The following CDK8 variants were observed in gnomAD, a reference collection of about 807,000 sequenced individuals.
CDK8 encodes the protein cyclin dependent kinase 8.
CDK8 carries 29 observed loss-of-function variants against 71.5 expected under a neutral mutation model. The ratio of observed to expected loss-of-function variants is 0.41; its 90% confidence interval spans 0.30 to 0.55. The LOEUF (loss-of-function observed/expected upper bound fraction) is 0.55. Ranked by LOEUF, CDK8 falls within the 20% of genes least tolerant of loss-of-function variation. CDK8 has a pLI of 0.37. For synonymous variants in CDK8, 161 were observed against 192.1 expected (o/e 0.84, Z 1.34); for missense variants, 288 against 572.6 (o/e 0.50, Z 5.07).
intron 1 of CDK8, among the ~76,000 whole-genome samples, chr13:26,318,147 AG>A (rs1419204629): frequency 6.6e-6 from 1 of 152,136 alleles, no homozygotes; most frequent in Non-Finnish European, 1.5e-5. Flanking sequence ...TATTTATAAG[AG>A]TACTATGAAC....
At position 26,289,102 on chromosome 13, in the gene CDK8, C is replaced by G. The variant is rs181811428; in HGVS notation, c.128+34333C>G. ...AGACAGTCTTGCTCTGTGGCCAGGC[C>G]GGAATGCAGTGGTGTGATCTCGGCT... On this transcript the variant is annotated intron_variant, in intron 1 of 12. Coordinates refer to ENST00000381527, the MANE Select transcript of CDK8 (RefSeq NM_001260.3). 5.2e-3 allele frequency among the ~76,000 whole-genome samples: 663 copies of G among 127,920 alleles called. 3 individuals carry two copies. Among genetic ancestry groups the G allele is most frequent in the South Asian group, 0.012 (46 of 3,962 alleles). 83.9% of individuals were successfully genotyped at this position (127,920 alleles called of 152,430 possible).
intron 3 of CDK8, among the ~76,000 whole-genome samples, chr13:26,351,405 C>A (rs982241040): frequency 1.3e-5 from 2 of 151,932 alleles, no homozygotes; most frequent in African/African-American, 4.8e-5. Context: ...CTAATCAGAT[C>A]AACCCTGTTA....
chr13:26,263,030 A>AG (rs1411408048), intron 1 of CDK8, among the ~76,000 whole-genome samples: 1 of 152,232 alleles, frequency 6.6e-6, no homozygotes, highest in African/African-American at 2.4e-5. Context: ...TAGGTTGTTT[A>AG]GAGGACTAAA....
intron 1 of CDK8, among the ~76,000 whole-genome samples, chr13:26,303,989 G>T (rs1301500414): frequency 2.6e-5 from 4 of 151,974 alleles, no homozygotes; most frequent in African/African-American, 7.3e-5. Flanking sequence ...TATTGGCCAG[G>T]CTCGGTGGCT....
At chr13:26,367,385 ATT>A (rs35642800) in intron 4 of CDK8, among the ~76,000 whole-genome samples, 5 of 149,416 alleles carry the variant, frequency 3.3e-5, no homozygotes, top group Middle Eastern at 3.5e-3. Context: ...TCCTTGAATA[ATT>A]TTTTTTTTTT....
At chr13:26,339,868 G>A (rs1456577961) in intron 2 of CDK8, among the ~76,000 whole-genome samples, 1 of 150,220 alleles carries the variant, frequency 6.7e-6, no homozygotes. Flanking sequence ...TTTATGAATA[G>A]GGATACTTTT....
In CDK8 at chr13:26,271,806, C is replaced by CTTTT. The variant is rs58160694; in HGVS notation, c.128+17070_128+17073dup. 1.0e-3 allele frequency among the ~76,000 whole-genome samples: 65 copies of CTTTT among 62,664 alleles called. 16 individuals are homozygous for CTTTT. The highest frequency in any genetic ancestry group is 1.1e-3 in the African/African-American group (13 of 11,546). The allele number at this position is 62,664 out of a possible 152,430, so 41.1% of individuals were successfully genotyped here. A position where few individuals can be genotyped will look rare whatever the true frequency, so the allele number is the denominator to read the frequency against. ...CCTGGGGGACAGAGTGAGACCCTGT[C>CTTTT]TTTTTTTTTTTTTTTTTTTTTTTTT... is the stretch of plus-strand genomic sequence containing the variant. On this transcript the variant is annotated intron_variant, in intron 1 of 12. Coordinates refer to ENST00000381527, the MANE Select transcript of CDK8 (RefSeq NM_001260.3).
intron 1 of CDK8, among the ~76,000 whole-genome samples, chr13:26,329,483 G>GTTTTTTTTTTTTTTT (rs543441898): frequency 1.1e-4 from 14 of 128,478 alleles, no homozygotes; most frequent in Admixed American, 2.4e-4. Flanking sequence ...TTTTTTTTTT[G>GTTTTTTTTTTTTTTT]TTTTTTTTTT....
intron 1 of CDK8, among the ~76,000 whole-genome samples, chr13:26,316,972 G>C (rs1017256071): frequency 1.3e-5 from 2 of 151,722 alleles, no homozygotes; most frequent in African/African-American, 2.4e-5. Flanking sequence ...CAACAAAAAA[G>C]ATCTAGAAAC....
chr13:26,366,405 G>C (rs1489026183), intron 4 of CDK8, among the ~76,000 whole-genome samples: 1 of 151,982 alleles, frequency 6.6e-6, no homozygotes, highest in Non-Finnish European at 1.5e-5. Context: ...AATACAATGA[G>C]AAGTTTCCTC....
intron 7 of CDK8, among the ~76,000 whole-genome samples, chr13:26,395,305 C>G (rs1875932763): frequency 6.6e-6 from 1 of 151,958 alleles, no homozygotes; most frequent in Non-Finnish European, 1.5e-5. Context: ...ACAAAATTAG[C>G]TGGGCATGGT....
chr13:26,385,395 C>T, intron 6 of CDK8, 53 bp downstream of exon 6: 1 of 1,401,918 alleles, frequency 7.1e-7, no homozygotes, highest in Non-Finnish European at 9.8e-7. Context: ...CTTTAAAAGA[C>T]ACACATTCCT....
At position 26,349,087 on chromosome 13, in the gene CDK8, A is replaced by G. The variant is rs1292451469; in HGVS notation, c.220A>G (p.Lys74Glu). ...TGTTTTGCAGTTACTTCGAGAGCTTAAGCATCCAAACGTCATTTCTCTTCA... is the reference window on the plus strand; with the variant it reads ...TGTTTTGCAGTTACTTCGAGAGCTTGAGCATCCAAACGTCATTTCTCTTCA... The part of the protein sequence containing the change: ...CREIALLREL[K>E]HPNVISLQKV... Residue 74 changes from lysine (K) to glutamate (E), a missense_variant, in exon 3 of 13, where the codon AAG (lysine) becomes GAG (glutamate). Transcript: ENST00000381527. 6.2e-7 allele frequency: 1 copy of G among 1,608,654 alleles called. No individual in the cohort carries two copies. Among genetic ancestry groups the G allele is most frequent in the Admixed American group, 1.7e-5 (1 of 59,884 alleles).
intron 4 of CDK8, among the ~76,000 whole-genome samples, chr13:26,382,535 G>C (rs1277874322): frequency 6.6e-6 from 1 of 152,188 alleles, no homozygotes; most frequent in Admixed American, 6.5e-5. Flanking sequence ...ACATGACTTT[G>C]TGAGATGCTT....
chr13:26,321,811 ATATT>A (rs1250685302), intron 1 of CDK8, among the ~76,000 whole-genome samples: 2 of 152,036 alleles, frequency 1.3e-5, no homozygotes, highest in Non-Finnish European at 2.9e-5. Context: ...GTAAATGTAT[ATATT>A]ATATATGTTC....
chr13:26,361,298 A>G (rs562358281), intron 4 of CDK8, among the ~76,000 whole-genome samples: 26 of 152,324 alleles, frequency 1.7e-4, no homozygotes, highest in African/African-American at 5.8e-4. Flanking sequence ...TTTACATTGC[A>G]TTTAACTGAC....
intron 1 of CDK8, among the ~76,000 whole-genome samples, chr13:26,331,838 C>A (rs1029081647): frequency 1.3e-5 from 2 of 152,024 alleles, no homozygotes; most frequent in African/African-American, 4.8e-5. Context: ...TTTTTTCTGA[C>A]TCCGTGAAGA....
intron 6 of CDK8, among the ~76,000 whole-genome samples, chr13:26,387,656 T>C (rs145363392): frequency 1.2e-3 from 178 of 152,244 alleles, no homozygotes; most frequent in African/African-American, 4.1e-3. Context: ...CTTCGCAGCA[T>C]TGTAGGGGAA....
chr13:26,263,734 C>T (rs1360752902), intron 1 of CDK8, among the ~76,000 whole-genome samples: 8 of 151,080 alleles, frequency 5.3e-5, no homozygotes, highest in South Asian at 2.1e-4. Context: ...CCACCGCGCC[C>T]GGCTAAAAGA....
Sources: allele counts gnomAD v4.1 joint callset (sites outside exome capture counted in the v4.1 genomes callset), GRCh38; gene constraint gnomAD v4.1.1; transcripts MANE v1.5; gene names NCBI Gene and HGNC (gene_info 2026-07-23, HGNC 2026-07-21).